Variants in MEIOSIN observed in about 807,000 individuals in gnomAD.
MEIOSIN encodes meiosis initiator protein.
In MEIOSIN, 18 loss-of-function variants were observed where a neutral mutation model predicts 23.4. The observed-to-expected ratio is 0.77, with a 90% CI of 0.53 to 1.14. The LOEUF (loss-of-function observed/expected upper bound fraction) is 1.14, where lower values mean the gene tolerates loss of function less well. MEIOSIN is among the 50% of genes most tolerant of loss of function. MEIOSIN has a pLI of 0.00. For missense variants in MEIOSIN, 428 were observed against 242.9 expected (o/e 1.76, Z -5.07); for synonymous variants, 187 against 100.6 (o/e 1.86, Z -5.14).
intron 1 of MEIOSIN, among the ~76,000 whole-genome samples, chr19:45,734,496 G>T (rs550777315): frequency 1.8e-4 from 27 of 152,054 alleles, no homozygotes; most frequent in African/African-American, 6.0e-4. Flanking sequence ...TTGTAGGTTT[G>T]GGAGGGCTCC....
chr19:45,749,718 CT>C (rs1411457170), intron 4 of MEIOSIN, among the ~76,000 whole-genome samples: 1 of 117,346 alleles, frequency 8.5e-6, no homozygotes, highest in Non-Finnish European at 1.7e-5. Context: ...CAAAAAAAGA[CT>C]ATTGGCCGGG....
intron 2 of MEIOSIN, among the ~76,000 whole-genome samples, chr19:45,738,533 C>G (rs749250069): frequency 1.3e-5 from 2 of 152,200 alleles, no homozygotes; most frequent in Non-Finnish European, 2.9e-5. Context: ...GCAGGAGAAT[C>G]ACTTGAACCT....
At chr19:45,749,185 AC>A (rs954908994) in intron 4 of MEIOSIN, among the ~76,000 whole-genome samples, 1 of 151,988 alleles carries the variant, frequency 6.6e-6, no homozygotes, top group Admixed American at 6.6e-5. Flanking sequence ...AGCCTGAACA[AC>A]ATGGCGAAAC....
Position 45,761,686 on chromosome 19 carries a change from C to A in MEIOSIN, c.1253C>A (p.Ala418Asp). Residue 418 changes from alanine to aspartate, a missense_variant, in exon 12 of 15, where the codon GCC (alanine) becomes GAC (aspartate). Transcript: ENST00000457052. ...TQEAPQEKDTASKAPKDPPES... is the reference protein window; with the variant it reads ...TQEAPQEKDTDSKAPKDPPES... ...TCCCTCATCATGCCCCAGGACACAG[C>A]CTCCAAGGCCCCCAAAGACCCTCCT... The A allele has an allele frequency of 1.4e-6, 1 of 702,802 alleles. No individual in the cohort carries two copies. Among genetic ancestry groups the A allele is most frequent in the Admixed American group, 2.0e-5 (1 of 49,986 alleles). 43.5% of individuals were successfully genotyped at this position (702,802 alleles called of 1,614,324 possible).
chr19:45,743,674 A>G (rs921783474), intron 3 of MEIOSIN, among the ~76,000 whole-genome samples: 1 of 151,726 alleles, frequency 6.6e-6, no homozygotes, highest in African/African-American at 2.4e-5. Context: ...GGCACGTGCC[A>G]CCACACCTGG....
At chr19:45,735,648 G>A (rs1056802209) in intron 2 of MEIOSIN, among the ~76,000 whole-genome samples, 1 of 152,092 alleles carries the variant, frequency 6.6e-6, no homozygotes, top group African/African-American at 2.4e-5. Context: ...AGTACTCTGA[G>A]GTGATCGGCA....
At chr19:45,747,072 G>T (rs1968608467) in intron 4 of MEIOSIN, among the ~76,000 whole-genome samples, 1 of 152,156 alleles carries the variant, frequency 6.6e-6, no homozygotes, top group African/African-American at 2.4e-5. Context: ...TCCCCTCGAG[G>T]AATGGCAGTC....
At chr19:45,736,354 G>A (rs1470757632) in intron 2 of MEIOSIN, among the ~76,000 whole-genome samples, 1 of 151,892 alleles carries the variant, frequency 6.6e-6, no homozygotes, top group Non-Finnish European at 1.5e-5. Context: ...CATTCTGAGT[G>A]TCTTTCTTTC....
At chr19:45,761,531 G>T (rs905435818) in intron 11 of MEIOSIN, 148 bp from the exon 12 acceptor site, 11 of 413,240 alleles carry the variant, frequency 2.7e-5, no homozygotes, top group African/African-American at 2.1e-4. Context: ...CAGCCTCCCA[G>T]AGTGTTGGGG....
At chr19:45,760,589 A>C (rs1968918886) in intron 11 of MEIOSIN, among the ~76,000 whole-genome samples, 1 of 151,174 alleles carries the variant, frequency 6.6e-6, no homozygotes, top group Admixed American at 6.6e-5. Flanking sequence ...CTGGGCAACA[A>C]GAGCGAAACC....
At position 45,756,994 on chromosome 19, in the gene MEIOSIN, G is replaced by A. The variant is rs1968843050; in HGVS notation, c.912-183G>A. On this transcript the variant is annotated intron_variant, in intron 8 of 14. Coordinates refer to ENST00000457052, the MANE Select transcript of MEIOSIN (RefSeq NM_001310124.2). ...TCATCCTCCAGCGCCCTCGGTCACA[G>A]CACTGCTTACGGGCTGGGCTATCCT... 1.3e-5 allele frequency among the ~76,000 whole-genome samples: 2 copies of A among 152,166 alleles called. 1 individual carries two copies. The highest frequency in any genetic ancestry group is 4.1e-4 in the South Asian group (2 of 4,828).
chr19:45,747,835 C>T, intron 4 of MEIOSIN, among the ~76,000 whole-genome samples: 1 of 152,120 alleles, frequency 6.6e-6, no homozygotes, highest in East Asian at 1.9e-4. Context: ...CACAGTGGCT[C>T]ACACCTGTAA....
At chr19:45,763,129 G>A (rs952026748) in intron 13 of MEIOSIN, among the ~76,000 whole-genome samples, 2 of 152,208 alleles carry the variant, frequency 1.3e-5, no homozygotes, top group Admixed American at 6.5e-5. Flanking sequence ...AGATGTGGGG[G>A]CCAGGAGCGG....
intron 2 of MEIOSIN, among the ~76,000 whole-genome samples, chr19:45,738,902 C>A (rs1968454390): frequency 6.6e-6 from 1 of 152,180 alleles, no homozygotes; most frequent in Admixed American, 6.6e-5. Flanking sequence ...ATCCCCCTTT[C>A]TAGATGTGGG....
intron 8 of MEIOSIN, among the ~76,000 whole-genome samples, 195 bp downstream of exon 8, chr19:45,756,273 C>T (rs963113816): frequency 2.0e-5 from 3 of 152,232 alleles, no homozygotes; most frequent in African/African-American, 7.2e-5. Context: ...ATGGTCACAG[C>T]TTCCTCACCA....
At chr19:45,758,279 C>A (rs1333926019) in intron 9 of MEIOSIN, among the ~76,000 whole-genome samples, 1 of 152,120 alleles carries the variant, frequency 6.6e-6, no homozygotes, top group East Asian at 1.9e-4. Flanking sequence ...TAGGCGTGAG[C>A]CCCCGCATCT....
intron 2 of MEIOSIN, among the ~76,000 whole-genome samples, chr19:45,737,948 G>T (rs1230135581): frequency 1.3e-5 from 2 of 151,830 alleles, no homozygotes; most frequent in Non-Finnish European, 2.9e-5. Context: ...TGTGGACAGG[G>T]TCTCACCATG....
rs1475629093 is a variant in MEIOSIN, at chr19:45,756,021, T to A, written c.854T>A (p.Leu285Gln). The change falls in exon 8 of 15, where the codon CTG becomes CAG. Residue 285 changes from leucine to glutamine, a missense_variant. Transcript: ENST00000457052. ...VQDDAPFPAL[L>Q]AQEDVARIHF... ...GATGACGCACCTTTCCCTGCGCTCC[T>A]GGCTCAGGAAGATGTGGCGAGGATC... 1 of 702,924 alleles carries A rather than the reference T, an allele frequency of 1.4e-6. No homozygotes were observed. Among genetic ancestry groups the A allele is most frequent in the Admixed American group, 2.0e-5 (1 of 50,016 alleles). 43.5% of individuals were successfully genotyped at this position (702,924 alleles called of 1,614,324 possible).
chr19:45,752,822 C>T (rs1428107605), intron 5 of MEIOSIN, among the ~76,000 whole-genome samples: 3 of 152,052 alleles, frequency 2.0e-5, no homozygotes, highest in Non-Finnish European at 4.4e-5. Flanking sequence ...CTCCATGCCA[C>T]GCAGACCTCC....
Sources: allele counts gnomAD v4.1 joint callset (sites outside exome capture counted in the v4.1 genomes callset), GRCh38; gene constraint gnomAD v4.1.1; transcripts MANE v1.5; gene names NCBI Gene and HGNC (gene_info 2026-07-23, HGNC 2026-07-21).